Variants in TMEM33 observed in about 807,000 individuals in gnomAD.
TMEM33 encodes transmembrane protein 33.
Under a neutral mutation model 29.7 loss-of-function variants are expected in TMEM33, and 16 were observed. The ratio of observed to expected loss-of-function variants is 0.54; its 90% CI spans 0.36 to 0.82. The LOEUF is 0.82. Ranked by LOEUF, TMEM33 falls within the 40% of genes least tolerant of loss-of-function variation. The pLI, the probability that TMEM33 is intolerant of heterozygous loss-of-function variation, is 0.00. For synonymous variants in TMEM33, 112 were observed against 109.4 expected (o/e 1.02, Z -0.15); for missense variants, 252 against 295.3 (o/e 0.85, Z 1.08).
intron 5 of TMEM33, among the ~76,000 whole-genome samples, chr4:41,945,844 A>G (rs981033962): frequency 6.6e-6 from 1 of 151,620 alleles, no homozygotes; most frequent in African/African-American, 2.4e-5. Context: ...GGTGGTGCAC[A>G]CCTGTAATCC....
intron 3 of TMEM33, 33 bp downstream of exon 3, chr4:41,939,416 G>A (rs917991957): frequency 1.2e-6 from 2 of 1,601,904 alleles, no homozygotes; most frequent in Non-Finnish European, 1.7e-6. Flanking sequence ...CAATGAAATT[G>A]CCAACTAAGC....
In TMEM33 at chr4:41,959,681, C is replaced by A. The variant is rs1402589853; in HGVS notation, c.*5482C>A. 1.3e-5 allele frequency: 2 copies of A among 152,098 alleles called. No individual in the cohort carries two copies. Among genetic ancestry groups the A allele is most frequent in the African/African-American group, 4.8e-5 (2 of 41,424 alleles). 9.4% of individuals were successfully genotyped at this position (152,098 alleles called of 1,614,324 possible). On this transcript the variant is annotated 3_prime_UTR_variant, in exon 7 of 7. Coordinates refer to ENST00000504986, the MANE Select transcript of TMEM33 (RefSeq NM_018126.3). The stretch of plus-strand genomic sequence containing the variant: ...TCTCTTGTAACTGTTAGAACAGTTC[C>A]TTTTGACATTAATTTTTGCCTACAT...
Position 41,954,367 on chromosome 4 carries a change from G to A in TMEM33, c.*168G>A, listed in dbSNP as rs1560520447. 1.2e-6 allele frequency: 1 copy of A among 826,482 alleles called. No homozygotes were observed. The highest frequency in any genetic ancestry group is 1.7e-6 in the Non-Finnish European group (1 of 580,426). 51.2% of individuals were successfully genotyped at this position (826,482 alleles called of 1,614,324 possible). A position where few individuals can be genotyped will look rare whatever the true frequency, so the allele number is the denominator to read the frequency against. On this transcript the variant is annotated 3_prime_UTR_variant, in exon 7 of 7. Transcript: ENST00000504986. Reference sequence around the variant, plus strand: ...TCATTTTCTTGGCATGTTAAATCAAGCTTAAAAAGTTTTGAGAAAATTTTA... The same window carrying A: ...TCATTTTCTTGGCATGTTAAATCAAACTTAAAAAGTTTTGAGAAAATTTTA...
chr4:41,954,338 A>G lies in TMEM33; in HGVS notation c.*139A>G, dbSNP rs1254930867. Reference sequence around the variant, plus strand: ...TACATAAATGCATCTCGGTGGAAAAATAATCATTTTCTTGGCATGTTAAAT... The same window carrying G: ...TACATAAATGCATCTCGGTGGAAAAGTAATCATTTTCTTGGCATGTTAAAT... On this transcript the variant is annotated 3_prime_UTR_variant, in exon 7 of 7. Transcript: ENST00000504986. The G allele has an allele frequency of 7.1e-6, 7 of 987,928 alleles. No homozygotes were observed. Among genetic ancestry groups the G allele is most frequent in the Non-Finnish European group, 9.9e-6 (7 of 706,836 alleles). 61.2% of individuals were successfully genotyped at this position (987,928 alleles called of 1,614,324 possible).
rs984233984 is a variant in TMEM33 at position 41,959,534 on chromosome 4, G to A, written c.*5335G>A. ...TAGCTCATATTCCATGAGAAAGAGT[G>A]GCCTAAGAATTATTTCATGTTACCT... is the stretch of plus-strand genomic sequence containing the variant. On this transcript the variant is annotated 3_prime_UTR_variant, in exon 7 of 7. Coordinates refer to ENST00000504986, the MANE Select transcript of TMEM33 (RefSeq NM_018126.3). 5.3e-5 allele frequency: 8 copies of A among 152,158 alleles called. No individual in the cohort carries two copies. The highest frequency in any genetic ancestry group is 1.9e-4 in the African/African-American group (8 of 41,444). 9.4% of individuals were successfully genotyped at this position (152,158 alleles called of 1,614,324 possible). A position where few individuals can be genotyped will look rare whatever the true frequency, so the allele number is the denominator to read the frequency against.
At chr4:41,944,661 C>A in intron 4 of TMEM33, 132 bp from the exon 5 acceptor site, 2 of 1,057,950 alleles carry the variant, frequency 1.9e-6, no homozygotes, top group Non-Finnish European at 2.7e-6. Context: ...AGTTTGTGAA[C>A]TTCGTACCAT....
intron 6 of TMEM33, 69 bp from the exon 7 acceptor site, chr4:41,954,001 A>ATAAAATGAGG (rs1406022741): frequency 6.3e-7 from 1 of 1,580,038 alleles, no homozygotes; most frequent in African/African-American, 1.4e-5. Context: ...ATGGAGTACA[A>ATAAAATGAGG]TAAAATGAGG....
rs1656831625 is a variant in TMEM33, at chr4:41,957,167, T to C, written c.*2968T>C. On this transcript the variant is annotated 3_prime_UTR_variant, in exon 7 of 7. Coordinates refer to ENST00000504986, the MANE Select transcript of TMEM33 (RefSeq NM_018126.3). ...GAAGCCTTATACAAAATCTACTTTA[T>C]TTTAGCAAGGATTCTCTGTCCTTTT... is the stretch of plus-strand genomic sequence containing the variant. 1 of 152,106 alleles carries C rather than the reference T, an allele frequency of 6.6e-6. No individual in the cohort carries two copies. The highest frequency in any genetic ancestry group is 1.5e-5 in the Non-Finnish European group (1 of 67,974). 9.4% of individuals were successfully genotyped at this position (152,106 alleles called of 1,614,324 possible). A position where few individuals can be genotyped will look rare whatever the true frequency, so the allele number is the denominator to read the frequency against.
rs1388982009 is a variant in TMEM33 at position 41,959,945 on chromosome 4, T to C, written c.*5746T>C. On this transcript the variant is annotated 3_prime_UTR_variant, in exon 7 of 7. Transcript: ENST00000504986. ...ACTTCTCTTGAATCCATTTTTAATA[T>C]CTAATATTGTACAGGTTGGGGAGTT... is the stretch of plus-strand genomic sequence containing the variant. 6.6e-6 allele frequency: 1 copy of C among 152,172 alleles called. No individual in the cohort carries two copies. The highest frequency in any genetic ancestry group is 1.5e-5 in the Non-Finnish European group (1 of 68,000). The allele number at this position is 152,172 out of a possible 1,614,324, so 9.4% of individuals were successfully genotyped here.
At chr4:41,945,335 A>G (rs1311067705) in intron 5 of TMEM33, among the ~76,000 whole-genome samples, 6 of 152,210 alleles carry the variant, frequency 3.9e-5, no homozygotes, top group Non-Finnish European at 7.3e-5. Context: ...GTAATACATG[A>G]ATAAAGAAAG....
Position 41,949,338 on chromosome 4 carries a change from T to C in TMEM33, c.567T>C (p.Tyr189=). 3 of 1,611,604 alleles carry C rather than the reference T, an allele frequency of 1.9e-6. No individual in the cohort carries two copies. The highest frequency in any genetic ancestry group is 1.1e-5 in the South Asian group (1 of 90,654). ...GTTTGCTCCAACCTTTTATATACTA[T>C]AGATTTCTTACCCTTCGATATTCGT... ...QGSLLQPFIY[Y]RFLTLRYSSR... The change falls in exon 6 of 7, where the codon TAT becomes TAC. Residue 189 remains tyrosine, a synonymous_variant. Coordinates refer to ENST00000504986, the MANE Select transcript of TMEM33 (RefSeq NM_018126.3).
At chr4:41,936,485 G>T (rs1277640675) in intron 1 of TMEM33, among the ~76,000 whole-genome samples, 3 of 152,200 alleles carry the variant, frequency 2.0e-5, no homozygotes, top group Non-Finnish European at 4.4e-5. Flanking sequence ...TGAAGCTGCC[G>T]TGAGCCAAGA....
At chr4:41,953,401 A>G (rs1713127751) in intron 6 of TMEM33, among the ~76,000 whole-genome samples, 2 of 152,256 alleles carry the variant, frequency 1.3e-5, no homozygotes, top group African/African-American at 4.8e-5. Flanking sequence ...TAGCATTACC[A>G]TCAGCAGTAA....
intron 6 of TMEM33, among the ~76,000 whole-genome samples, chr4:41,950,784 T>A (rs1266802512): frequency 2.0e-5 from 3 of 152,192 alleles, no homozygotes; most frequent in Non-Finnish European, 4.4e-5. Context: ...GTTATTTTAA[T>A]CAGCATATTT....
intron 5 of TMEM33, among the ~76,000 whole-genome samples, chr4:41,946,324 T>C (rs1712787683): frequency 6.6e-6 from 1 of 152,114 alleles, no homozygotes; most frequent in African/African-American, 2.4e-5. Context: ...TTTTCATAAT[T>C]TTGTTAGTTT....
chr4:41,939,511 GATA>G, intron 3 of TMEM33, 128 bp downstream of exon 3: 2 of 949,338 alleles, frequency 2.1e-6, no homozygotes, highest in Non-Finnish European at 1.6e-6. Context: ...TTTGAATGAA[GATA>G]TGTTTAGTGT....
In TMEM33 at chr4:41,944,813, A is replaced by G; in HGVS notation, c.417A>G (p.Leu139=). ...TTTAGGCAAGGGGCTCAAATAGTTT[A>G]CCTCTGCTGAGATCTGTCTTGGACA... ...KVLDARGSNS[L]PLLRSVLDKL... is the part of the protein sequence containing the mutation. Residue 139 remains leucine (L), a synonymous_variant, in exon 5 of 7, where the codon TTA becomes TTG. Transcript: ENST00000504986. 1 of 1,613,130 alleles carries G rather than the reference A, an allele frequency of 6.2e-7. No individual in the cohort carries two copies. Among genetic ancestry groups the G allele is most frequent in the South Asian group, 1.1e-5 (1 of 90,938 alleles).
chr4:41,939,207 C>T lies in TMEM33; in HGVS notation c.152C>T (p.Ala51Val). The T allele has an allele frequency of 6.3e-7, 1 of 1,597,202 alleles. No individual in the cohort carries two copies. The highest frequency in any genetic ancestry group is 8.5e-7 in the Non-Finnish European group (1 of 1,174,450). Residue 51 changes from alanine (A) to valine (V), a missense_variant, in exon 3 of 7, where the codon GCA becomes GTA. Physicochemically the swap from Ala to Val is moderately conservative, Grantham distance 64. Coordinates refer to ENST00000504986, the MANE Select transcript of TMEM33 (RefSeq NM_018126.3). Reference sequence around the variant, plus strand: ...CTGGTAATTTGCAGGTTGCATGAAGCAGCAAGCTTTTACCAACGTGCTTTG... The same window carrying T: ...CTGGTAATTTGCAGGTTGCATGAAGTAGCAAGCTTTTACCAACGTGCTTTG... ...FVLPLLGLHE[A>V]ASFYQRALLA...
intron 6 of TMEM33, among the ~76,000 whole-genome samples, chr4:41,952,916 T>C (rs1314853599): frequency 6.6e-6 from 1 of 152,170 alleles, no homozygotes; most frequent in Non-Finnish European, 1.5e-5. Flanking sequence ...GTCCATGTTA[T>C]ATATTTTAAA....
Sources: allele counts gnomAD v4.1 joint callset (sites outside exome capture counted in the v4.1 genomes callset), GRCh38; gene constraint gnomAD v4.1.1; transcripts MANE v1.5; gene names NCBI Gene and HGNC (gene_info 2026-07-23, HGNC 2026-07-21).